FAR2: variants seen among roughly 807,000 people sequenced by gnomAD.
The protein encoded by FAR2 is fatty acyl-CoA reductase 2.
FAR2 carries 19 observed loss-of-function variants against 56.0 expected under a neutral mutation model. The observed-to-expected ratio is 0.34, with a 90% CI of 0.24 to 0.50. The LOEUF (loss-of-function observed/expected upper bound fraction) is 0.50, where lower values mean the gene tolerates loss of function less well. Ranked by LOEUF, FAR2 falls within the 20% of genes least tolerant of loss-of-function variation. The pLI is 0.98. For missense variants in FAR2, 508 were observed against 642.2 expected (o/e 0.79, Z 2.26); for synonymous variants, 219 against 218.8 (o/e 1.00, Z -0.01).
intron 1 of FAR2, among the ~76,000 whole-genome samples, chr12:29,269,918 C>G (rs1331298316): frequency 1.3e-5 from 2 of 152,198 alleles, no homozygotes; most frequent in Non-Finnish European, 2.9e-5. Context: ...CACTGCATCC[C>G]TTTATTTCCC....
intron 1 of FAR2, among the ~76,000 whole-genome samples, chr12:29,220,296 C>G (rs982665025): frequency 2.0e-5 from 3 of 152,178 alleles, no homozygotes; most frequent in Non-Finnish European, 4.4e-5. Context: ...AGCTCTTTCC[C>G]GGAGTACAGT....
At chr12:29,205,404 C>T (rs10431273) in intron 1 of FAR2, among the ~76,000 whole-genome samples, 28,824 of 152,086 alleles carry the variant, frequency 0.19, 2,811 homozygotes, top group African/African-American at 0.21. Flanking sequence ...TCTTACCCTA[C>T]GTGTTCTGCT....
intron 1 of FAR2, among the ~76,000 whole-genome samples, chr12:29,188,467 G>C (rs1014930427): frequency 6.6e-6 from 1 of 152,038 alleles, no homozygotes; most frequent in African/African-American, 2.4e-5. Flanking sequence ...ATAATTTGGG[G>C]ATAATTTGAT....
At chr12:29,232,686 C>T (rs1248313620) in intron 1 of FAR2, among the ~76,000 whole-genome samples, 2 of 152,090 alleles carry the variant, frequency 1.3e-5, no homozygotes, top group African/African-American at 4.8e-5. Context: ...TGTCATCCAT[C>T]AACATCATGG....
chr12:29,253,755 G>T (rs1948272000), intron 1 of FAR2, among the ~76,000 whole-genome samples: 1 of 152,032 alleles, frequency 6.6e-6, no homozygotes, highest in Admixed American at 6.6e-5. Context: ...AATGCTGTTT[G>T]ACTTACCTTT....
Position 29,293,492 on chromosome 12 carries a change from C to A in FAR2, c.365+17C>A. The A allele has an allele frequency of 6.6e-7, 1 of 1,506,096 alleles. No individual in the cohort carries two copies. The highest frequency in any genetic ancestry group is 1.3e-5 in the South Asian group (1 of 74,836). The allele number at this position is 1,506,096 out of a possible 1,614,324, so 93.3% of individuals were successfully genotyped here. On this transcript the variant is annotated intron_variant, in intron 3 of 11. Coordinates refer to ENST00000536681, the MANE Select transcript of FAR2 (RefSeq NM_001271783.2). ...CACTCTCAGGTACATTCCCATTTCC[C>A]TCTCATGGCTTGTATACATATGTGT...
At chr12:29,283,151 T>C (rs1432442833) in intron 2 of FAR2, among the ~76,000 whole-genome samples, 5 of 152,172 alleles carry the variant, frequency 3.3e-5, no homozygotes, top group African/African-American at 4.8e-5. Context: ...ATACAAGTGT[T>C]AGACAAGTAT....
chr12:29,270,388 T>A (rs1948594872), intron 1 of FAR2, 24 bp from the exon 2 acceptor site: 1 of 1,447,160 alleles, frequency 6.9e-7, no homozygotes, highest in Non-Finnish European at 9.3e-7. Flanking sequence ...GATGTAATCT[T>A]TTGTTATTTC....
chr12:29,207,913 T>C (rs1947494807), intron 1 of FAR2, among the ~76,000 whole-genome samples: 1 of 152,218 alleles, frequency 6.6e-6, no homozygotes, highest in African/African-American at 2.4e-5. Context: ...ATGGTGAGAC[T>C]TATTTAGGCC....
intron 1 of FAR2, among the ~76,000 whole-genome samples, chr12:29,185,403 C>T (rs755996718): frequency 1.3e-5 from 2 of 152,114 alleles, no homozygotes; most frequent in Non-Finnish European, 2.9e-5. Flanking sequence ...ATCCTGCTTA[C>T]AGCACAAAAC....
intron 1 of FAR2, among the ~76,000 whole-genome samples, chr12:29,198,173 A>G (rs1950157299): frequency 6.6e-6 from 1 of 152,194 alleles, no homozygotes; most frequent in South Asian, 2.1e-4. Context: ...AGTTTTGCGC[A>G]TAGGTGATAT....
chr12:29,332,835 T>G, intron 11 of FAR2, 108 bp downstream of exon 11: 1 of 1,064,938 alleles, frequency 9.4e-7, no homozygotes, highest in East Asian at 2.6e-5. Context: ...GAGCATTTAC[T>G]ACATTACAGG....
At chr12:29,244,004 G>A (rs1948084439) in intron 1 of FAR2, among the ~76,000 whole-genome samples, 1 of 30,614 alleles carries the variant, frequency 3.3e-5, no homozygotes, top group Non-Finnish European at 6.6e-5. Flanking sequence ...ATCAGCAGTT[G>A]AATGAATGAA....
At chr12:29,208,002 G>C (rs1234570030) in intron 1 of FAR2, among the ~76,000 whole-genome samples, 1 of 152,072 alleles carries the variant, frequency 6.6e-6, no homozygotes, top group Non-Finnish European at 1.5e-5. Context: ...AGAAGCTCAA[G>C]CCCAGCCTAG....
chr12:29,327,875 A>T (rs956641237), intron 10 of FAR2, among the ~76,000 whole-genome samples: 1 of 152,044 alleles, frequency 6.6e-6, no homozygotes, highest in African/African-American at 2.4e-5. Context: ...CACCAAAAGC[A>T]ATGGCAACAA....
intron 1 of FAR2, among the ~76,000 whole-genome samples, chr12:29,220,838 T>A (rs899967003): frequency 6.6e-6 from 1 of 152,092 alleles, no homozygotes. Flanking sequence ...GGAAGTAAAG[T>A]ACACTTGGAA....
At chr12:29,300,457 C>T (rs1949144470) in intron 4 of FAR2, among the ~76,000 whole-genome samples, 1 of 152,196 alleles carries the variant, frequency 6.6e-6, no homozygotes, top group African/African-American at 2.4e-5. Context: ...ATCAATTCAC[C>T]TAAATCCAGG....
At chr12:29,228,793 G>T (rs1947809265) in intron 1 of FAR2, among the ~76,000 whole-genome samples, 1 of 152,148 alleles carries the variant, frequency 6.6e-6, no homozygotes, top group Non-Finnish European at 1.5e-5. Context: ...TTGCCATGTT[G>T]GCCAGGCTGG....
Position 29,207,982 on chromosome 12 carries a change from A to G in FAR2, c.-39+58575A>G, listed in dbSNP as rs914372726. Among the ~76,000 whole-genome samples, 77 of 152,214 alleles carry G rather than the reference A, an allele frequency of 5.1e-4. 4 individuals are homozygous for G. Among genetic ancestry groups the G allele is most frequent in the Non-Finnish European group, 8.8e-5 (6 of 68,032 alleles). On this transcript the variant is annotated intron_variant, in intron 1 of 11. Coordinates refer to ENST00000536681, the MANE Select transcript of FAR2 (RefSeq NM_001271783.2). ...TTTGGGAGGCCAGGACAGGAGGATT[A>G]CTTGGGTCCAGAAGCTCAAGCCCAG...
Sources: allele counts gnomAD v4.1 joint callset (sites outside exome capture counted in the v4.1 genomes callset), GRCh38; gene constraint gnomAD v4.1.1; transcripts MANE v1.5; gene names NCBI Gene and HGNC (gene_info 2026-07-23, HGNC 2026-07-21).